GFOD1: variants seen among roughly 807,000 people sequenced by gnomAD.
The protein encoded by GFOD1 is glucose-fructose oxidoreductase domain-containing protein 1.
In GFOD1, 9 loss-of-function variants were observed where a neutral mutation model predicts 25.4. That is an observed-to-expected ratio of 0.35 (90% CI 0.21 to 0.62). The LOEUF (loss-of-function observed/expected upper bound fraction) is 0.62, where lower values mean the gene tolerates loss of function less well. Ranked by LOEUF, GFOD1 falls within the 20% of genes least tolerant of loss-of-function variation. The probability of loss-of-function intolerance (pLI) is 0.72; values close to 1 mark genes in which losing one functional copy is unlikely to be tolerated. For missense variants in GFOD1, 403 were observed against 556.9 expected (o/e 0.72, Z 2.78); for synonymous variants, 253 against 245.6 (o/e 1.03, Z -0.28).
intron 1 of GFOD1, among the ~76,000 whole-genome samples, chr6:13,445,710 T>C (rs1757991070): frequency 6.6e-6 from 1 of 152,254 alleles, no homozygotes; most frequent in African/African-American, 2.4e-5. Context: ...ATCAAGAGGT[T>C]TGCTCTAAAA....
At chr6:13,466,602 T>C (rs1361778816) in intron 1 of GFOD1, among the ~76,000 whole-genome samples, 3 of 152,216 alleles carry the variant, frequency 2.0e-5, no homozygotes, top group Non-Finnish European at 4.4e-5. Context: ...ATACAATTTC[T>C]GACCTGCAGT....
intron 1 of GFOD1, among the ~76,000 whole-genome samples, chr6:13,377,327 C>T (rs1785275813): frequency 6.6e-6 from 1 of 152,210 alleles, no homozygotes; most frequent in South Asian, 2.1e-4. Context: ...AACAGAAGTT[C>T]AGGTGGGCTC....
At chr6:13,414,773 C>T (rs1316176503) in intron 1 of GFOD1, among the ~76,000 whole-genome samples, 1 of 152,152 alleles carries the variant, frequency 6.6e-6, no homozygotes, top group Non-Finnish European at 1.5e-5. Flanking sequence ...ATCAGAATAT[C>T]CACTCTGAGT....
chr6:13,445,040 C>G (rs544912521), intron 1 of GFOD1, among the ~76,000 whole-genome samples: 5 of 152,138 alleles, frequency 3.3e-5, no homozygotes, highest in Admixed American at 2.0e-4. Context: ...ATACAAATAC[C>G]AGTCTGGCAA....
chr6:13,453,337 T>G (rs1377269365), intron 1 of GFOD1, among the ~76,000 whole-genome samples: 2 of 152,222 alleles, frequency 1.3e-5, no homozygotes, highest in Non-Finnish European at 2.9e-5. Context: ...CCAGAGCTAT[T>G]ATCACAGTCA....
intron 1 of GFOD1, among the ~76,000 whole-genome samples, chr6:13,472,851 C>A (rs934754339): frequency 6.6e-6 from 1 of 152,230 alleles, no homozygotes; most frequent in South Asian, 2.1e-4. Flanking sequence ...AGCGTAGTAA[C>A]TTTGCAAGGC....
intron 1 of GFOD1, among the ~76,000 whole-genome samples, chr6:13,456,743 C>G (rs1758196573): frequency 6.6e-6 from 1 of 152,214 alleles, no homozygotes; most frequent in Non-Finnish European, 1.5e-5. Context: ...GGCCTGCACG[C>G]TGCTCGTCTT....
intron 1 of GFOD1, among the ~76,000 whole-genome samples, chr6:13,472,737 C>G (rs995136005): frequency 4.6e-5 from 7 of 152,222 alleles, no homozygotes; most frequent in Non-Finnish European, 1.5e-5. Context: ...ACTTTACTTT[C>G]ACCAGAATGA....
At chr6:13,388,932 C>T (rs1479128896) in intron 1 of GFOD1, among the ~76,000 whole-genome samples, 1 of 152,188 alleles carries the variant, frequency 6.6e-6, no homozygotes, top group Admixed American at 6.5e-5. Flanking sequence ...AAACAAACAA[C>T]CCCATCAAAA....
chr6:13,394,402 C>T (rs922459908), intron 1 of GFOD1, among the ~76,000 whole-genome samples: 9 of 148,840 alleles, frequency 6.0e-5, no homozygotes, highest in Non-Finnish European at 1.0e-4. Context: ...GGCAGGAGAA[C>T]GGGTGTCTGG....
intron 1 of GFOD1, among the ~76,000 whole-genome samples, chr6:13,473,012 C>G (rs1529447): frequency 0.031 from 4,775 of 152,162 alleles, 238 homozygotes; most frequent in African/African-American, 0.11. Flanking sequence ...TGAATGCTGA[C>G]AGGTGAGAAA....
At chr6:13,383,506 C>T (rs1785405210) in intron 1 of GFOD1, among the ~76,000 whole-genome samples, 1 of 152,198 alleles carries the variant, frequency 6.6e-6, no homozygotes, top group Non-Finnish European at 1.5e-5. Context: ...GTGATTAGAA[C>T]AAACATACAC....
At chr6:13,378,647 C>A (rs1785301404) in intron 1 of GFOD1, among the ~76,000 whole-genome samples, 1 of 152,170 alleles carries the variant, frequency 6.6e-6, no homozygotes, top group South Asian at 2.1e-4. Flanking sequence ...CCTCCCAGGG[C>A]CCCAGCCTTC....
intron 1 of GFOD1, among the ~76,000 whole-genome samples, chr6:13,445,577 T>A (rs1461329041): frequency 5.3e-5 from 8 of 152,190 alleles, no homozygotes; most frequent in Admixed American, 1.3e-4. Context: ...GGTTCTGAAG[T>A]GGGAAGAAGA....
chr6:13,463,798 T>A (rs9382119), intron 1 of GFOD1, among the ~76,000 whole-genome samples: 1 of 152,232 alleles, frequency 6.6e-6, no homozygotes, highest in East Asian at 1.9e-4. Context: ...ATATATGCTA[T>A]ATAGGTACAC....
At chr6:13,470,373 G>A (rs889919555) in intron 1 of GFOD1, 40 of 1,550,820 alleles carry the variant, frequency 2.6e-5, no homozygotes, top group Non-Finnish European at 3.3e-5. Flanking sequence ...TGTGGTCCCC[G>A]TGGGCCTCCA....
At chr6:13,410,226 C>T (rs1381788698) in intron 1 of GFOD1, among the ~76,000 whole-genome samples, 1 of 152,118 alleles carries the variant, frequency 6.6e-6, no homozygotes, top group Admixed American at 6.5e-5. Context: ...AGCTGGCTTG[C>T]TCCTGTGTTT....
intron 1 of GFOD1, among the ~76,000 whole-genome samples, chr6:13,412,027 G>A (rs1786086195): frequency 6.6e-6 from 1 of 152,198 alleles, no homozygotes; most frequent in East Asian, 1.9e-4. Context: ...CTATTGCAGG[G>A]ATTAAAGGAA....
intron 1 of GFOD1, among the ~76,000 whole-genome samples, chr6:13,372,069 C>T (rs146792888): frequency 3.3e-5 from 5 of 152,338 alleles, no homozygotes; most frequent in Admixed American, 3.3e-4. Context: ...CTTGAACCAA[C>T]TTAAAATTTT....
Sources: allele counts gnomAD v4.1 joint callset (sites outside exome capture counted in the v4.1 genomes callset), GRCh38; gene constraint gnomAD v4.1.1; transcripts MANE v1.5; gene names NCBI Gene and HGNC (gene_info 2026-07-23, HGNC 2026-07-21).